LIPJ: variants seen among roughly 807,000 people sequenced by gnomAD.
LIPJ encodes lipase member J.
Under a neutral mutation model 39.8 loss-of-function variants are expected in LIPJ, and 33 were observed. The observed-to-expected ratio is 0.83, with a 90% CI of 0.63 to 1.11. The LOEUF (loss-of-function observed/expected upper bound fraction) is 1.11. Among genes scored for constraint, LIPJ ranks in the 50% least tolerant of loss-of-function variants. LIPJ has a pLI of 0.00. For missense variants in LIPJ, 422 were observed against 427.9 expected (o/e 0.99, Z 0.12); for synonymous variants, 128 against 139.2 (o/e 0.92, Z 0.57).
the LIPJ span, among the ~76,000 whole-genome samples, chr10:88,617,113 T>C: frequency 2.0e-5 from 3 of 152,140 alleles, no homozygotes; most frequent in Non-Finnish European, 4.4e-5. Flanking sequence ...AAAACCAGAC[T>C]GCTGAAGGAG....
chr10:88,610,753 A>C, downstream of LIPJ, among the ~76,000 whole-genome samples: 1 of 152,242 alleles, frequency 6.6e-6, no homozygotes, highest in East Asian at 1.9e-4. Flanking sequence ...GTTGATCTTT[A>C]ACAAAGATGC....
chr10:88,583,004 G>T, upstream of LIPJ: 1 of 1,549,464 alleles, frequency 6.5e-7, no homozygotes, highest in Non-Finnish European at 8.8e-7. Context: ...CTTGGGTGCA[G>T]GCCCACACCA....
intron 8 of LIPJ, among the ~76,000 whole-genome samples, chr10:88,601,283 C>T (rs529815803): frequency 4.9e-4 from 75 of 152,178 alleles, no homozygotes; most frequent in African/African-American, 1.8e-3. Flanking sequence ...TCGCAAAGAT[C>T]CCACCTAACA....
intron 6 of LIPJ, 24 bp from the exon 7 acceptor site, chr10:88,596,256 A>G (rs901985442): frequency 7.7e-7 from 1 of 1,297,084 alleles, no homozygotes; most frequent in Non-Finnish European, 1.0e-6. Flanking sequence ...ATAGCTTACT[A>G]ATTTATATCT....
intron 8 of LIPJ, among the ~76,000 whole-genome samples, chr10:88,599,741 G>A (rs1053349890): frequency 1.3e-5 from 2 of 150,902 alleles, no homozygotes; most frequent in Non-Finnish European, 3.0e-5. Context: ...TCAATCTGAT[G>A]AGTCAATTTT....
rs10694823 is a variant in LIPJ at position 88,591,131 on chromosome 10, G to GGTTTGTTT, written c.10-238_10-231dup. Among the ~76,000 whole-genome samples the GGTTTGTTT allele has an allele frequency of 2.3e-4, 34 of 150,958 alleles. No individual in the cohort carries two copies. The South Asian group carries it at 4.4e-3, about 19-fold the overall frequency. On this transcript the variant is annotated intron_variant, in intron 3 of 10. Transcript: ENST00000371939. Reference sequence around the variant, plus strand: ...CTTGAGATATCTCTTTGAGGGTAGGGGTTTGTTTGTTTGTTTATTTATTTT... The same window carrying GGTTTGTTT: ...CTTGAGATATCTCTTTGAGGGTAGGGGTTTGTTTGTTTGTTTGTTTGTTTATTTATTTT...
upstream of LIPJ, chr10:88,583,715 C>T: frequency 1.0e-6 from 1 of 985,756 alleles, no homozygotes; most frequent in African/African-American, 1.7e-5. Context: ...CTTTTGGAAT[C>T]TGGGAGACAT....
At chr10:88,602,579 C>T (rs375897626) in exon 9 of LIPJ, 10 of 1,488,672 alleles carry the variant, frequency 6.7e-6, no homozygotes, top group East Asian at 2.5e-5. Flanking sequence ...CCCTCAGAGT[C>T]GTTTGGATGT....
chr10:88,612,190 T>C, the LIPJ span, among the ~76,000 whole-genome samples: 1 of 152,278 alleles, frequency 6.6e-6, no homozygotes, highest in East Asian at 1.9e-4. Context: ...GAAGGAAAGA[T>C]ACAGTCTTTT....
intron 3 of LIPJ, among the ~76,000 whole-genome samples, chr10:88,591,008 T>C (rs1469023186): frequency 6.6e-6 from 1 of 151,852 alleles, no homozygotes; most frequent in African/African-American, 2.4e-5. Context: ...GATATACACA[T>C]AGACATGCAA....
Position 88,594,663 on chromosome 10 carries a change from G to T in LIPJ, c.330-4G>T. 4 of 1,416,062 alleles carry T rather than the reference G, an allele frequency of 2.8e-6. No individual in the cohort carries two copies. Among genetic ancestry groups the T allele is most frequent in the Non-Finnish European group, 1.9e-6 (2 of 1,043,766 alleles). 87.7% of individuals were successfully genotyped at this position (1,416,062 alleles called of 1,614,324 possible). A position where few individuals can be genotyped will look rare whatever the true frequency, so the allele number is the denominator to read the frequency against. ...CTATTTTTATTTTCCTCTTTCTTTT[G>T]TAGTTTTGATGAGATGGCAAAATAT... On this transcript the variant is annotated splice_polypyrimidine_tract_variant and splice_region_variant and intron_variant, in intron 5 of 10. Coordinates refer to ENST00000371939, the Ensembl canonical transcript of LIPJ.
At position 88,594,665 on chromosome 10, in the gene LIPJ, A is replaced by G. The variant is rs372295413; in HGVS notation, c.330-2A>G. The G allele has an allele frequency of 7.0e-7, 1 of 1,431,118 alleles. No individual in the cohort carries two copies. The highest frequency in any genetic ancestry group is 2.2e-5 in the Admixed American group (1 of 44,586). 88.7% of individuals were successfully genotyped at this position (1,431,118 alleles called of 1,614,324 possible). ...ATTTTTATTTTCCTCTTTCTTTTGTAGTTTTGATGAGATGGCAAAATATGA... is the reference window on the plus strand; with the variant it reads ...ATTTTTATTTTCCTCTTTCTTTTGTGGTTTTGATGAGATGGCAAAATATGA... On this transcript the variant is annotated splice_acceptor_variant, in intron 5 of 10. Coordinates refer to ENST00000371939, the Ensembl canonical transcript of LIPJ. LOFTEE classifies it high-confidence loss of function.
chr10:88,616,495 G>T, the LIPJ span, among the ~76,000 whole-genome samples: 10 of 152,258 alleles, frequency 6.6e-5, no homozygotes, highest in Non-Finnish European at 1.2e-4. Context: ...TTGGCGCCGA[G>T]CGCCCTTAAC....
At chr10:88,615,496 T>C in the LIPJ span, among the ~76,000 whole-genome samples, 3 of 151,016 alleles carry the variant, frequency 2.0e-5, no homozygotes, top group Admixed American at 2.0e-4. Context: ...GAGATTGCAG[T>C]GAGCCAAGAT....
the LIPJ span, among the ~76,000 whole-genome samples, chr10:88,620,748 A>T: frequency 6.6e-6 from 1 of 152,204 alleles, no homozygotes; most frequent in South Asian, 2.1e-4. Flanking sequence ...GTTTCTTACA[A>T]AGTTAAAAAC....
intron 4 of LIPJ, chr10:88,592,263 AG>A (rs1851104196): frequency 6.6e-6 from 1 of 151,938 alleles, no homozygotes; most frequent in African/African-American, 2.4e-5. Context: ...ATATTTATAA[AG>A]GTTATACCCA....
At chr10:88,585,613 G>C (rs1224637784), upstream of LIPJ, 1 of 151,892 alleles carries the variant, frequency 6.6e-6, no homozygotes, top group Non-Finnish European at 1.5e-5. Flanking sequence ...TTCACTACTT[G>C]AGTTCAAGCC....
At chr10:88,594,529 G>T (rs1170107142) in intron 5 of LIPJ, 138 bp from the exon 6 acceptor site, 2 of 478,320 alleles carry the variant, frequency 4.2e-6, no homozygotes, top group South Asian at 4.0e-5. Flanking sequence ...CTATTCAGAA[G>T]ATATATTATA....
upstream of LIPJ, among the ~76,000 whole-genome samples, chr10:88,586,085 C>A (rs182268399): frequency 6.6e-6 from 1 of 152,304 alleles, no homozygotes; most frequent in Non-Finnish European, 1.5e-5. Context: ...TTGCTTGCAT[C>A]TCCTGCAGTT....
Sources: gnomAD v4.1 joint callset for allele counts (sites outside exome capture counted in the v4.1 genomes callset) on GRCh38, gnomAD v4.1.1 for gene constraint, MANE v1.5 for transcripts, NCBI Gene and HGNC (gene_info 2026-07-23, HGNC 2026-07-21) for gene names.